MADD: variants seen among roughly 807,000 people sequenced by gnomAD.
MADD encodes MAP kinase activating death domain.
In MADD, 109 loss-of-function variants were observed where a neutral mutation model predicts 176.7. The observed-to-expected ratio is 0.62, with a 90% CI of 0.53 to 0.72. The LOEUF (loss-of-function observed/expected upper bound fraction) is 0.72, where lower values mean the gene tolerates loss of function less well. MADD is among the 30% of genes least tolerant of loss of function. The pLI is 0.00. For synonymous variants in MADD, 771 were observed against 771.3 expected, an observed-to-expected ratio of 1.00 and a Z score of 0.01; for missense variants, 1,914 against 2,045.5, an observed-to-expected ratio of 0.94 and a Z score of 1.24.
intron 22 of MADD, among the ~76,000 whole-genome samples, chr11:47,298,762 T>G (rs2075244339): frequency 6.6e-6 from 1 of 152,234 alleles, no homozygotes; most frequent in Non-Finnish European, 1.5e-5. Context: ...CAGACCAATG[T>G]CCTGAAGCAT....
At chr11:47,318,567 C>G (rs578187693) in intron 27 of MADD, among the ~76,000 whole-genome samples, 3 of 152,264 alleles carry the variant, frequency 2.0e-5, no homozygotes, top group South Asian at 2.1e-4. Context: ...TTGAACTACT[C>G]TTACTCTCAC....
At chr11:47,327,596 T>C in intron 31 of MADD, 1 of 985,216 alleles carries the variant, frequency 1.0e-6, no homozygotes, top group Non-Finnish European at 1.2e-6. Flanking sequence ...GCCTCCCCCT[T>C]CTCACCGGCT....
rs547924294 is a variant in MADD, at chr11:47,293,788, C to T, written c.3302-95C>T. 2.0e-4 allele frequency: 156 copies of T among 770,442 alleles called. 1 individual carries two copies. The highest frequency in any genetic ancestry group is 2.9e-4 in the Non-Finnish European group (130 of 443,460). 47.7% of individuals were successfully genotyped at this position (770,442 alleles called of 1,614,324 possible). ...GGAAAGGTGACTAGGATGGGCTGAA[C>T]GGGTCTGGGAACAGCCTGTGCTGCC... On this transcript the variant is annotated intron_variant, in intron 19 of 32. Coordinates refer to ENST00000402192, the Ensembl canonical transcript of MADD.
chr11:47,292,356 G>A (rs1308459089), intron 19 of MADD, among the ~76,000 whole-genome samples, 187 bp from the exon 21 acceptor site: 1 of 152,174 alleles, frequency 6.6e-6, no homozygotes, highest in Non-Finnish European at 1.5e-5. Flanking sequence ...CTGTTCATGA[G>A]TTTGGGTGGA....
rs41313493 is a variant in MADD at position 47,290,316 on chromosome 11, C to T, written c.3094+17C>T. 7 of 1,610,472 alleles carry T rather than the reference C, an allele frequency of 4.3e-6. No individual in the cohort carries two copies. Among genetic ancestry groups the T allele is most frequent in the Non-Finnish European group, 5.9e-6 (7 of 1,177,478 alleles). On this transcript the variant is annotated intron_variant, in intron 18 of 32. Coordinates refer to ENST00000402192, the Ensembl canonical transcript of MADD. ...ATAGTAAAGGTAGGGATCGTACTTG[C>T]TGGGCACCACGCCATCCCTAACTCT...
intron 31 of MADD, 107 bp from the exon 36 acceptor site, chr11:47,328,551 C>T: frequency 1.3e-6 from 2 of 1,561,512 alleles, no homozygotes; most frequent in Non-Finnish European, 1.7e-6. Flanking sequence ...TGAGAGGCCA[C>T]AGAGGGGAAG....
At position 47,271,445 on chromosome 11, in the gene MADD, ATCTCAGGG is replaced by A. The variant is rs544624723; in HGVS notation, c.-89+1202_-89+1209del. The stretch of plus-strand genomic sequence containing the variant: ...CACCCGTAGCTAGAATAATAACAAG[ATCTCAGGG>A]TCCTTGTGGCTCTGGAAGGAAATGA... On this transcript the variant is annotated intron_variant, in intron 1 of 32. Coordinates refer to ENST00000402192, the Ensembl canonical transcript of MADD. Among the ~76,000 whole-genome samples, 1,205 of 152,318 alleles carry A rather than the reference ATCTCAGGG, an allele frequency of 7.9e-3. 15 individuals carry two copies. The highest frequency in any genetic ancestry group is 0.033 in the South Asian group (161 of 4,830).
chr11:47,328,831 G>A, intron 32 of MADD, 127 bp downstream of exon 36: 1 of 1,260,952 alleles, frequency 7.9e-7, no homozygotes, highest in Non-Finnish European at 1.1e-6. Context: ...GTTGCCAAAG[G>A]TTCAACTCAG....
At chr11:47,289,804 G>GCTCTGC in intron 16 of MADD, 63 bp from the exon 18 acceptor site, 3 of 1,573,122 alleles carry the variant, frequency 1.9e-6, no homozygotes, top group Non-Finnish European at 2.6e-6. Context: ...TAGTCTGGGT[G>GCTCTGC]AAAGGTGGGG....
chr11:47,287,610 A>G (rs750318098), intron 15 of MADD, among the ~76,000 whole-genome samples: 7 of 151,858 alleles, frequency 4.6e-5, no homozygotes, highest in African/African-American at 7.3e-5. Context: ...GGGTTTCACC[A>G]TGTTGGCCAG....
chr11:47,303,943 C>G (rs1014968503), intron 22 of MADD, among the ~76,000 whole-genome samples: 2 of 152,058 alleles, frequency 1.3e-5, no homozygotes, highest in African/African-American at 4.8e-5. Context: ...TGTTTGGGGA[C>G]TTTTGAGCTT....
intron 22 of MADD, among the ~76,000 whole-genome samples, chr11:47,301,259 C>T (rs1208644911): frequency 1.3e-5 from 2 of 151,750 alleles, no homozygotes; most frequent in South Asian, 2.1e-4. Context: ...ATTACAGGTG[C>T]CCACCACCAC....
At chr11:47,276,286 G>A (rs1000860732) in intron 4 of MADD, 84 bp downstream of exon 4, 140 of 1,352,068 alleles carry the variant, frequency 1.0e-4, no homozygotes, top group Non-Finnish European at 1.3e-4. Flanking sequence ...TAGAGGACAG[G>A]GACTACATAT....
At chr11:47,290,366 T>TA (rs765549983) in intron 18 of MADD, 67 bp downstream of exon 19, 65 of 1,574,880 alleles carry the variant, frequency 4.1e-5, no homozygotes, top group Non-Finnish European at 5.4e-5. Flanking sequence ...GAAGAGAAAA[T>TA]ATATGTGTAC....
intron 23 of MADD, 74 bp downstream of exon 26, chr11:47,309,116 G>A: frequency 6.4e-7 from 1 of 1,566,946 alleles, no homozygotes; most frequent in Non-Finnish European, 8.8e-7. Flanking sequence ...GGAGGCATCT[G>A]GGGCTGGTGG....
At chr11:47,278,566 A>G (rs1380860833) in intron 6 of MADD, among the ~76,000 whole-genome samples, 1 of 151,782 alleles carries the variant, frequency 6.6e-6, no homozygotes, top group East Asian at 1.9e-4. Flanking sequence ...GAGGGCCATT[A>G]CATGTGGTAT....
At chr11:47,276,378 C>T (rs1462162501) in intron 4 of MADD, among the ~76,000 whole-genome samples, 176 bp downstream of exon 4, 2 of 152,196 alleles carry the variant, frequency 1.3e-5, no homozygotes, top group Admixed American at 6.5e-5. Context: ...AATTAAGATA[C>T]TGGTATCATG....
chr11:47,309,775 C>A (rs146930093), intron 25 of MADD, among the ~76,000 whole-genome samples, 163 bp downstream of exon 28: 111 of 152,146 alleles, frequency 7.3e-4, no homozygotes, highest in Non-Finnish European at 1.4e-3. Context: ...TACAAATGTT[C>A]CATTTATCTG....
intron 10 of MADD, 100 bp downstream of exon 10, chr11:47,283,069 T>C (rs1169887021): frequency 2.1e-6 from 2 of 951,598 alleles, no homozygotes; most frequent in Non-Finnish European, 1.4e-6. Flanking sequence ...GCTTCCCATA[T>C]CAGTGTTTTT....
Sources: allele counts gnomAD v4.1 joint callset (sites outside exome capture counted in the v4.1 genomes callset), GRCh38; gene constraint gnomAD v4.1.1; transcripts MANE v1.5; gene names NCBI Gene and HGNC (gene_info 2026-07-23, HGNC 2026-07-21).